ZFYVE28: variants seen among roughly 807,000 people sequenced by gnomAD.
ZFYVE28 encodes lateral signaling target protein 2 homolog.
In ZFYVE28, 40 loss-of-function variants were observed where a neutral mutation model predicts 82.1. The observed-to-expected ratio is 0.49, with a 90% CI of 0.38 to 0.63. The LOEUF (loss-of-function observed/expected upper bound fraction) is 0.63, where lower values mean the gene tolerates loss of function less well. ZFYVE28 is among the 30% of genes least tolerant of loss of function. The probability of loss-of-function intolerance (pLI) is 0.00; values close to 1 mark genes in which losing one functional copy is unlikely to be tolerated. For missense variants in ZFYVE28, 1,321 were observed against 1,242.1 expected (o/e 1.06, Z -0.96); for synonymous variants, 612 against 546.1 (o/e 1.12, Z -1.68).
At chr4:2,319,492 C>A (rs1718727911) in intron 7 of ZFYVE28, among the ~76,000 whole-genome samples, 1 of 152,144 alleles carries the variant, frequency 6.6e-6, no homozygotes. Context: ...GCTTCTGGGT[C>A]CCCGAAGGAA....
intron 1 of ZFYVE28, among the ~76,000 whole-genome samples, chr4:2,379,331 T>C (rs1185216850): frequency 1.3e-5 from 2 of 152,136 alleles, no homozygotes; most frequent in Non-Finnish European, 1.5e-5. Flanking sequence ...AGGTGGGCAG[T>C]GCAAGGATTC....
intron 4 of ZFYVE28, among the ~76,000 whole-genome samples, chr4:2,337,726 G>C (rs548897103): frequency 6.6e-6 from 1 of 152,136 alleles, no homozygotes; most frequent in Non-Finnish European, 1.5e-5. Context: ...AAAAAAGTCG[G>C]GTGTGGTGGT....
At chr4:2,301,092 G>C (rs993256364) in intron 8 of ZFYVE28, among the ~76,000 whole-genome samples, 1 of 152,120 alleles carries the variant, frequency 6.6e-6, no homozygotes, top group African/African-American at 2.4e-5. Flanking sequence ...TGTGTGTGAA[G>C]CTGGTCTCCT....
rs1023006196 is a variant in ZFYVE28 at position 2,332,388 on chromosome 4, C to T, written c.701+3317G>A. The stretch of plus-strand genomic sequence containing the variant: ...CCTGAGCATACACCACCTGCACCAA[C>T]GTGCCCCTGCCTGCCACCTGCACAG... On this transcript the variant is annotated intron_variant, in intron 6 of 12. Transcript: ENST00000290974. This position sits in a 1 kb window ranked among gnomAD's most constrained non-coding sequence, Gnocchi z 4.7. Among the ~76,000 whole-genome samples the T allele has an allele frequency of 3.9e-5, 6 of 152,270 alleles. No individual in the cohort carries two copies. Among genetic ancestry groups the T allele is most frequent in the African/African-American group, 1.4e-4 (6 of 41,560 alleles).
At chr4:2,340,133 C>A (rs1164747301) in intron 3 of ZFYVE28, among the ~76,000 whole-genome samples, 1 of 152,158 alleles carries the variant, frequency 6.6e-6, no homozygotes, top group Non-Finnish European at 1.5e-5. Flanking sequence ...GATCCGGGCC[C>A]GAGGTCCCCA....
intron 1 of ZFYVE28, among the ~76,000 whole-genome samples, chr4:2,403,039 T>C (rs1731366503): frequency 6.6e-6 from 1 of 152,236 alleles, no homozygotes; most frequent in African/African-American, 2.4e-5. Flanking sequence ...AAAGTCAAAG[T>C]GCAATGCTGA....
At chr4:2,280,744 C>G (rs1168653930) in intron 8 of ZFYVE28, among the ~76,000 whole-genome samples, 1 of 152,206 alleles carries the variant, frequency 6.6e-6, no homozygotes, top group Non-Finnish European at 1.5e-5. Context: ...AGATGGCACC[C>G]TCGGGCCCTG....
intron 6 of ZFYVE28, among the ~76,000 whole-genome samples, chr4:2,321,101 GACCAGACCA>G (rs1719006959): frequency 6.6e-6 from 1 of 152,056 alleles, no homozygotes; most frequent in African/African-American, 2.4e-5. Flanking sequence ...GGTCTCTTGG[GACCAGACCA>G]TGTCTCAGGT....
chr4:2,338,459 G>A (rs1490799769), intron 4 of ZFYVE28, among the ~76,000 whole-genome samples: 9 of 152,196 alleles, frequency 5.9e-5, no homozygotes, highest in Non-Finnish European at 1.5e-5. Flanking sequence ...CAGGCGTGGT[G>A]GTGGTCACCT....
At chr4:2,380,798 G>A (rs1728654336) in intron 1 of ZFYVE28, among the ~76,000 whole-genome samples, 1 of 152,202 alleles carries the variant, frequency 6.6e-6, no homozygotes, top group Non-Finnish European at 1.5e-5. Context: ...CATGTAAGAA[G>A]TGCCTTTTGC....
chr4:2,341,703 T>G lies in ZFYVE28; in HGVS notation c.181-88A>C. The G allele has an allele frequency of 6.6e-7, 1 of 1,526,148 alleles. No individual in the cohort carries two copies. Among genetic ancestry groups the G allele is most frequent in the Non-Finnish European group, 8.9e-7 (1 of 1,122,490 alleles). The allele number at this position is 1,526,148 out of a possible 1,614,324, so 94.5% of individuals were successfully genotyped here. ...TGCTGGAAAACACGCACGGTGCATG[T>G]GACTGTTTTTTAGGATTATTAAAGT... On this transcript the variant is annotated intron_variant, in intron 2 of 12. Transcript: ENST00000290974. This position sits in a 1 kb window ranked among gnomAD's most constrained non-coding sequence, Gnocchi z 4.5.
At chr4:2,278,530 G>A (rs1329696307) in intron 8 of ZFYVE28, among the ~76,000 whole-genome samples, 1 of 151,936 alleles carries the variant, frequency 6.6e-6, no homozygotes, top group South Asian at 2.1e-4. Context: ...TCTTTGTGGC[G>A]TTAGGCTAGG....
At chr4:2,286,722 C>G (rs550123706) in intron 8 of ZFYVE28, 42 of 152,334 alleles carry the variant, frequency 2.8e-4, no homozygotes, top group African/African-American at 9.4e-4. Flanking sequence ...GAGCTCAGCC[C>G]TTGGCTGCTG....
At chr4:2,286,380 C>CG (rs1243364282) in intron 8 of ZFYVE28, 1 of 152,414 alleles carries the variant, frequency 6.6e-6, no homozygotes, top group Non-Finnish European at 1.5e-5. Flanking sequence ...CAGGCGTGGA[C>CG]GGGGACGCTG....
intron 7 of ZFYVE28, among the ~76,000 whole-genome samples, chr4:2,308,688 A>AAAGAAAAAG (rs1560182579): frequency 4.5e-4 from 58 of 128,076 alleles, no homozygotes; most frequent in African/African-American, 1.7e-3. Flanking sequence ...AGAAAGAAAG[A>AAAGAAAAAG]AAAGAAAAGA....
intron 8 of ZFYVE28, among the ~76,000 whole-genome samples, chr4:2,275,365 TC>T (rs1736322466): frequency 6.6e-6 from 1 of 152,178 alleles, no homozygotes; most frequent in African/African-American, 2.4e-5. Context: ...CTAATTTATC[TC>T]CTATCTTTTT....
chr4:2,393,364 A>G (rs371648472), intron 1 of ZFYVE28, among the ~76,000 whole-genome samples: 1 of 152,250 alleles, frequency 6.6e-6, no homozygotes, highest in African/African-American at 2.4e-5. Flanking sequence ...ATTCCTTGGA[A>G]GGCAGGCCAC....
Position 2,304,692 on chromosome 4 carries a change from G to C in ZFYVE28, c.1648C>G (p.His550Asp), listed in dbSNP as rs1560172083. The C allele has an allele frequency of 3.1e-6, 5 of 1,612,614 alleles. No homozygotes were observed. Among genetic ancestry groups the C allele is most frequent in the Non-Finnish European group, 3.4e-6 (4 of 1,179,886 alleles). The change falls in exon 8 of 13, where the codon CAC (histidine) becomes GAC (aspartate). Residue 550 changes from histidine (H) to aspartate (D), a missense_variant. Coordinates refer to ENST00000290974, the MANE Select transcript of ZFYVE28 (RefSeq NM_020972.3). Reference protein sequence around the residue: ...PVAEGMDGGPHKLSTGATNCL... With the variant: ...PVAEGMDGGPDKLSTGATNCL... ...TTGGTGGCCCCAGTGCTAAGCTTGT[G>C]GGGGCCGCCATCCATCCCCTCGGCC...
intron 2 of ZFYVE28, among the ~76,000 whole-genome samples, chr4:2,347,527 G>C (rs1021163763): frequency 6.6e-6 from 1 of 152,108 alleles, no homozygotes; most frequent in African/African-American, 2.4e-5. Flanking sequence ...CATGAAACAA[G>C]CCTCAATACG....
Sources: allele counts gnomAD v4.1 joint callset (sites outside exome capture counted in the v4.1 genomes callset), GRCh38; gene constraint gnomAD v4.1.1; non-coding constraint Gnocchi (gnomAD v3.1); transcripts MANE v1.5; gene names NCBI Gene and HGNC (gene_info 2026-07-23, HGNC 2026-07-21).